Variants in SPAG16 observed in about 807,000 individuals in gnomAD.
SPAG16 encodes the protein sperm associated antigen 16.
In SPAG16, 86 loss-of-function variants were observed where a neutral mutation model predicts 80.4. The ratio of observed to expected loss-of-function variants is 1.07; its 90% CI spans 0.90 to 1.28. The LOEUF (loss-of-function observed/expected upper bound fraction) is 1.28. SPAG16 is among the 50% of genes most tolerant of loss of function. The pLI, the probability that SPAG16 is intolerant of heterozygous loss-of-function variation, is 0.00. For missense variants in SPAG16, 870 were observed against 765.3 expected (o/e 1.14, Z -1.61); for synonymous variants, 294 against 265.9 (o/e 1.11, Z -1.03).
chr2:214,097,601 G>A (rs2052680384), intron 13 of SPAG16, among the ~76,000 whole-genome samples: 1 of 151,936 alleles, frequency 6.6e-6, no homozygotes, highest in South Asian at 2.1e-4. Context: ...ACCTTGAAAG[G>A]GTGGAGGTCA....
chr2:214,089,965 A>C (rs1172968850), intron 13 of SPAG16, among the ~76,000 whole-genome samples: 2 of 152,082 alleles, frequency 1.3e-5, no homozygotes, highest in African/African-American at 4.8e-5. Context: ...GCAACTAACT[A>C]GACTCTGTAC....
intron 15 of SPAG16, among the ~76,000 whole-genome samples, chr2:214,398,744 G>A (rs1701539059): frequency 6.6e-6 from 1 of 152,186 alleles, no homozygotes. Flanking sequence ...AGCAGTTCAT[G>A]TAGCAGCCAA....
At chr2:214,161,162 A>G (rs1371397214) in intron 15 of SPAG16, among the ~76,000 whole-genome samples, 1 of 152,138 alleles carries the variant, frequency 6.6e-6, no homozygotes, top group Non-Finnish European at 1.5e-5. Flanking sequence ...ATAGTATTCC[A>G]TGGTGGAGAT....
intron 15 of SPAG16, among the ~76,000 whole-genome samples, chr2:214,229,842 G>A (rs1688565795): frequency 6.6e-6 from 1 of 151,800 alleles, no homozygotes. Flanking sequence ...CTGGTCTGCT[G>A]CAGTTTGTAT....
At chr2:213,419,348 T>C (rs964711059) in intron 9 of SPAG16, among the ~76,000 whole-genome samples, 1 of 152,204 alleles carries the variant, frequency 6.6e-6, no homozygotes, top group East Asian at 1.9e-4. Flanking sequence ...TTACATTAAA[T>C]ATTTTAGCCG....
intron 9 of SPAG16, among the ~76,000 whole-genome samples, chr2:213,390,781 CATT>C (rs1208593511): frequency 6.6e-6 from 1 of 152,084 alleles, no homozygotes; most frequent in East Asian, 1.9e-4. Flanking sequence ...ACTTATGATG[CATT>C]ATTTTTTAAT....
intron 9 of SPAG16, among the ~76,000 whole-genome samples, chr2:213,387,803 A>T (rs1430964050): frequency 6.6e-6 from 1 of 151,906 alleles, no homozygotes; most frequent in African/African-American, 2.4e-5. Context: ...AAATATTTAG[A>T]TTGTTTTGTT....
chr2:213,903,162 T>TG lies in SPAG16; in HGVS notation c.1215-26794dup, dbSNP rs1476118010. 3.9e-5 allele frequency among the ~76,000 whole-genome samples: 6 copies of TG among 152,118 alleles called. No individual in the cohort carries two copies. The South Asian group carries it at 1.0e-3, about 26-fold the overall frequency. ...CAAGCTGTCAGTGGATCTACCATGCTGGGGTCTGGAGGACGGTGGCCCTCC... is the reference window on the plus strand; with the variant it reads ...CAAGCTGTCAGTGGATCTACCATGCTGGGGGTCTGGAGGACGGTGGCCCTCC... On this transcript the variant is annotated intron_variant, in intron 11 of 15. Coordinates refer to ENST00000331683, the MANE Select transcript of SPAG16 (RefSeq NM_024532.5).
At chr2:214,274,820 TAGGG>T (rs763407937) in intron 15 of SPAG16, among the ~76,000 whole-genome samples, 4 of 152,208 alleles carry the variant, frequency 2.6e-5, no homozygotes, top group Non-Finnish European at 4.4e-5. Context: ...TAAAATGAGT[TAGGG>T]AGGATTCCCT....
intron 10 of SPAG16, among the ~76,000 whole-genome samples, chr2:213,790,053 T>G (rs564288274): frequency 2.6e-4 from 40 of 152,034 alleles, no homozygotes; most frequent in African/African-American, 9.1e-4. Context: ...TCAACTTGAT[T>G]ATTGCTATTT....
At chr2:214,034,561 C>A (rs2125063671) in intron 13 of SPAG16, among the ~76,000 whole-genome samples, 1 of 152,324 alleles carries the variant, frequency 6.6e-6, no homozygotes, top group Non-Finnish European at 1.5e-5. Flanking sequence ...GTGAGAGAGA[C>A]AGCATGGGGT....
intron 11 of SPAG16, among the ~76,000 whole-genome samples, chr2:213,877,075 A>T (rs1440989555): frequency 6.6e-6 from 1 of 152,164 alleles, no homozygotes; most frequent in East Asian, 1.9e-4. Flanking sequence ...AAGATTCTAG[A>T]AAAGTGACCT....
intron 9 of SPAG16, among the ~76,000 whole-genome samples, chr2:213,485,004 T>C (rs924198962): frequency 6.6e-6 from 1 of 152,084 alleles, no homozygotes; most frequent in Non-Finnish European, 1.5e-5. Flanking sequence ...CTTTTCTTTT[T>C]TTTTTTTGAG....
In SPAG16 at chr2:214,108,234, T is replaced by C. The variant is rs1001663783; in HGVS notation, c.1566T>C (p.Ser522=). 1.8e-5 allele frequency: 29 copies of C among 1,602,362 alleles called. No homozygotes were observed. The highest frequency in any genetic ancestry group is 2.5e-5 in the Non-Finnish European group (29 of 1,171,312). Reference sequence around the variant, plus strand: ...AGTCACTTTATGGTCACATGCATTCTATCAATGATGCCATTTTTGATCCCA... The same window carrying C: ...AGTCACTTTATGGTCACATGCATTCCATCAATGATGCCATTTTTGATCCCA... ...CEQSLYGHMH[S]INDAIFDPRG... Residue 522 remains serine (S), a synonymous_variant, in exon 14 of 16, where the codon TCT becomes TCC. Coordinates refer to ENST00000331683, the MANE Select transcript of SPAG16 (RefSeq NM_024532.5).
chr2:214,381,468 A>AT (rs1700446300), intron 15 of SPAG16, among the ~76,000 whole-genome samples: 1 of 152,218 alleles, frequency 6.6e-6, no homozygotes, highest in Non-Finnish European at 1.5e-5. Context: ...ACAGTAAAAT[A>AT]TTTTTGGAAT....
chr2:213,936,530 A>G (rs2078996123), intron 12 of SPAG16, among the ~76,000 whole-genome samples: 1 of 152,206 alleles, frequency 6.6e-6, no homozygotes, highest in Non-Finnish European at 1.5e-5. Flanking sequence ...CCAAAGATGT[A>G]GAAGGTTTCA....
At position 213,449,625 on chromosome 2, in the gene SPAG16, A is replaced by G. The variant is rs536048174; in HGVS notation, c.943-40338A>G. On this transcript the variant is annotated intron_variant, in intron 9 of 15. Coordinates refer to ENST00000331683, the MANE Select transcript of SPAG16 (RefSeq NM_024532.5). ...GAAAATAGAAAGAACCTACCTTGAAATATCAGGGGTGAGTTCCCCCAATAG... is the reference window on the plus strand; with the variant it reads ...GAAAATAGAAAGAACCTACCTTGAAGTATCAGGGGTGAGTTCCCCCAATAG... Among the ~76,000 whole-genome samples the G allele has an allele frequency of 3.3e-5, 5 of 152,292 alleles. No homozygotes were observed. The South Asian group carries it at 1.0e-3, about 32-fold the overall frequency.
rs1216373253 is a variant in SPAG16 at position 213,432,610 on chromosome 2, C to T, written c.943-57353C>T. On this transcript the variant is annotated intron_variant, in intron 9 of 15. Coordinates refer to ENST00000331683, the MANE Select transcript of SPAG16 (RefSeq NM_024532.5). ...GAATCAGTAATAAAAAATAATCTCCCAACAAATAAAAGCCCAGGAGAAGAT... is the reference window on the plus strand; with the variant it reads ...GAATCAGTAATAAAAAATAATCTCCTAACAAATAAAAGCCCAGGAGAAGAT... Among the ~76,000 whole-genome samples, 6 of 152,016 alleles carry T rather than the reference C, an allele frequency of 3.9e-5. No homozygotes were observed. The South Asian group carries it at 1.3e-3, about 32-fold the overall frequency.
chr2:213,603,421 A>G (rs963790414), intron 10 of SPAG16, among the ~76,000 whole-genome samples: 2 of 152,210 alleles, frequency 1.3e-5, no homozygotes, highest in African/African-American at 2.4e-5. Flanking sequence ...CCATGTTTTG[A>G]TGAAAAGTTG....
Sources: allele counts gnomAD v4.1 joint callset (sites outside exome capture counted in the v4.1 genomes callset), GRCh38; gene constraint gnomAD v4.1.1; transcripts MANE v1.5; gene names NCBI Gene and HGNC (gene_info 2026-07-23, HGNC 2026-07-21).